The following SPAG16 variants were observed in gnomAD, a reference collection of about 807,000 sequenced individuals.
SPAG16 encodes sperm-associated antigen 16 protein.
Under a neutral mutation model 80.4 loss-of-function variants are expected in SPAG16, and 86 were observed. The observed-to-expected ratio is 1.07, with a 90% CI of 0.90 to 1.28. The LOEUF (loss-of-function observed/expected upper bound fraction) is 1.28, where lower values mean the gene tolerates loss of function less well. Among genes scored for constraint, SPAG16 ranks in the 50% most tolerant of loss-of-function variants. The pLI is 0.00. For synonymous variants in SPAG16, 294 were observed against 265.9 expected (o/e 1.11, Z -1.03); for missense variants, 870 against 765.3 (o/e 1.14, Z -1.61).
intron 9 of SPAG16, among the ~76,000 whole-genome samples, chr2:213,407,830 G>GAGAGAGAGAGAGGAGAGAGGC (rs748372312): frequency 0.095 from 9,467 of 99,172 alleles, 1,669 homozygotes; most frequent in Non-Finnish European, 0.17. Flanking sequence ...GAGAGAGGCA[G>GAGAGAGAGAGAGGAGAGAGGC]AGAGAGAGAG....
intron 10 of SPAG16, among the ~76,000 whole-genome samples, chr2:213,763,132 A>C (rs911205077): frequency 2.1e-4 from 32 of 152,144 alleles, no homozygotes; most frequent in African/African-American, 7.5e-4. Context: ...ACAGAAAATA[A>C]AAATTGTAAG....
chr2:213,362,076 G>T (rs1217832881), intron 7 of SPAG16, among the ~76,000 whole-genome samples: 1 of 152,092 alleles, frequency 6.6e-6, no homozygotes, highest in African/African-American at 2.4e-5. Flanking sequence ...TTGCCCAGAT[G>T]TTGGGCACAA....
At chr2:214,042,253 C>T (rs2049075838) in intron 13 of SPAG16, among the ~76,000 whole-genome samples, 1 of 151,278 alleles carries the variant, frequency 6.6e-6, no homozygotes, top group Non-Finnish European at 1.5e-5. Flanking sequence ...ATCACCATGC[C>T]CAGCTAATTT....
intron 10 of SPAG16, among the ~76,000 whole-genome samples, chr2:213,829,797 G>A (rs890838205): frequency 6.6e-6 from 1 of 152,124 alleles, no homozygotes; most frequent in African/African-American, 2.4e-5. Context: ...GAAATGTCAT[G>A]CAGGAATGAC....
At chr2:213,402,873 G>A (rs2068397995) in intron 9 of SPAG16, among the ~76,000 whole-genome samples, 2 of 152,150 alleles carry the variant, frequency 1.3e-5, no homozygotes, top group Admixed American at 1.3e-4. Context: ...TGTGAATAGT[G>A]CCGCAATAAA....
At chr2:214,222,854 T>C (rs953187234) in intron 15 of SPAG16, among the ~76,000 whole-genome samples, 8 of 152,170 alleles carry the variant, frequency 5.3e-5, no homozygotes, top group African/African-American at 7.2e-5. Context: ...TAGTAATCTT[T>C]GAAGGTGTGG....
At chr2:213,911,745 G>C (rs2077680117) in intron 11 of SPAG16, among the ~76,000 whole-genome samples, 1 of 151,482 alleles carries the variant, frequency 6.6e-6, no homozygotes, top group Admixed American at 6.6e-5. Flanking sequence ...GAGAGGCCTA[G>C]GAGAGGCAGC....
At chr2:213,602,228 G>T (rs2061092572) in intron 10 of SPAG16, among the ~76,000 whole-genome samples, 1 of 152,168 alleles carries the variant, frequency 6.6e-6, no homozygotes, top group Non-Finnish European at 1.5e-5. Flanking sequence ...ACTCTATGAT[G>T]TCTGCACAAT....
chr2:213,798,163 A>T (rs146726074), intron 10 of SPAG16, among the ~76,000 whole-genome samples: 28 of 152,256 alleles, frequency 1.8e-4, no homozygotes, highest in African/African-American at 6.3e-4. Context: ...CTCTTTTGTT[A>T]TTGACTTGTA....
intron 10 of SPAG16, among the ~76,000 whole-genome samples, chr2:213,621,455 A>G (rs892403222): frequency 6.6e-6 from 1 of 152,236 alleles, no homozygotes; most frequent in Non-Finnish European, 1.5e-5. Context: ...TTAGTGTGAC[A>G]AACTTCATGA....
chr2:213,781,720 CA>C (rs750330077), intron 10 of SPAG16, among the ~76,000 whole-genome samples: 24 of 152,142 alleles, frequency 1.6e-4, no homozygotes, highest in Non-Finnish European at 2.9e-4. Context: ...CTTCTGAAAT[CA>C]CATTACGTGG....
intron 10 of SPAG16, among the ~76,000 whole-genome samples, chr2:213,585,603 T>G (rs1270311066): frequency 6.6e-6 from 1 of 152,178 alleles, no homozygotes; most frequent in African/African-American, 2.4e-5. Flanking sequence ...ATAAAGGCTT[T>G]GTTTTAAGAC....
At chr2:213,581,119 C>A (rs926369310) in intron 10 of SPAG16, among the ~76,000 whole-genome samples, 15 of 152,086 alleles carry the variant, frequency 9.9e-5, no homozygotes, top group African/African-American at 3.6e-4. Flanking sequence ...AACTCTATAG[C>A]TCTTTTTAGT....
At chr2:214,104,247 G>A (rs2053248310) in intron 13 of SPAG16, among the ~76,000 whole-genome samples, 1 of 152,194 alleles carries the variant, frequency 6.6e-6, no homozygotes, top group South Asian at 2.1e-4. Context: ...AAAGGATGAG[G>A]TCAGATACAG....
intron 15 of SPAG16, among the ~76,000 whole-genome samples, chr2:214,247,952 TAGG>T (rs1689968650): frequency 6.6e-6 from 1 of 151,892 alleles, no homozygotes; most frequent in Non-Finnish European, 1.5e-5. Flanking sequence ...GGCTTGAGTC[TAGG>T]AGGTTGACGC....
intron 12 of SPAG16, among the ~76,000 whole-genome samples, chr2:213,947,768 GT>G (rs1190245664): frequency 6.6e-6 from 1 of 152,092 alleles, no homozygotes; most frequent in Non-Finnish European, 1.5e-5. Flanking sequence ...ATGTGGATCT[GT>G]TTCTGGTTCT....
chr2:213,403,907 C>G (rs1343229238), intron 9 of SPAG16, among the ~76,000 whole-genome samples: 1 of 152,092 alleles, frequency 6.6e-6, no homozygotes, highest in East Asian at 1.9e-4. Context: ...TTCTTATACA[C>G]CAATAAGAGA....
chr2:214,334,117 A>T (rs6739649), intron 15 of SPAG16, among the ~76,000 whole-genome samples: 2 of 151,958 alleles, frequency 1.3e-5, no homozygotes, highest in Non-Finnish European at 2.9e-5. Context: ...TGTAGGGCTG[A>T]GGGATACATG....
intron 11 of SPAG16, among the ~76,000 whole-genome samples, chr2:213,889,100 A>G (rs2106067619): frequency 6.6e-6 from 1 of 152,106 alleles, no homozygotes; most frequent in Non-Finnish European, 1.5e-5. Flanking sequence ...CATAAGGTAT[A>G]TTTCCAAATC....
Sources: allele counts gnomAD v4.1 joint callset (sites outside exome capture counted in the v4.1 genomes callset), GRCh38; gene constraint gnomAD v4.1.1; transcripts MANE v1.5; gene names NCBI Gene and HGNC (gene_info 2026-07-23, HGNC 2026-07-21).